The following APBB1IP variants were observed in gnomAD, a reference collection of about 807,000 sequenced individuals.
APBB1IP encodes amyloid beta A4 precursor protein-binding family B member 1-interacting protein.
APBB1IP carries 27 observed loss-of-function variants against 64.9 expected under a neutral mutation model. The ratio of observed to expected loss-of-function variants is 0.42; its 90% CI spans 0.31 to 0.57. The LOEUF (loss-of-function observed/expected upper bound fraction) is 0.57. APBB1IP is among the 20% of genes least tolerant of loss of function. The pLI is 0.20. For synonymous variants in APBB1IP, 392 were observed against 331.0 expected (o/e 1.18, Z -2.00); for missense variants, 812 against 845.5 (o/e 0.96, Z 0.49).
intron 8 of APBB1IP, among the ~76,000 whole-genome samples, chr10:26,525,921 C>G (rs1836468242): frequency 6.6e-6 from 1 of 152,146 alleles, no homozygotes; most frequent in Non-Finnish European, 1.5e-5. Context: ...TCTTCAGAGA[C>G]AGGGACATTC....
chr10:26,444,135 C>G (rs1835366649), intron 2 of APBB1IP, among the ~76,000 whole-genome samples: 1 of 152,064 alleles, frequency 6.6e-6, no homozygotes, highest in Non-Finnish European at 1.5e-5. Context: ...GAACAGTGTT[C>G]CAAGCACAGG....
At chr10:26,469,326 C>T (rs1483073026) in intron 2 of APBB1IP, among the ~76,000 whole-genome samples, 1 of 136,952 alleles carries the variant, frequency 7.3e-6, no homozygotes, top group African/African-American at 2.8e-5. Flanking sequence ...GTGGAGCGAT[C>T]TCAGCTCACT....
chr10:26,455,295 C>T (rs570798517), intron 2 of APBB1IP, among the ~76,000 whole-genome samples: 118 of 151,988 alleles, frequency 7.8e-4, no homozygotes, highest in Non-Finnish European at 1.5e-3. Context: ...TTTGGGAGGC[C>T]GAGGCGGGCG....
chr10:26,545,692 G>A (rs1289179417), intron 11 of APBB1IP, among the ~76,000 whole-genome samples: 16 of 151,850 alleles, frequency 1.1e-4, no homozygotes, highest in East Asian at 3.9e-4. Context: ...CCCGGGAGGC[G>A]GAGCTTGCAG....
chr10:26,452,257 G>A (rs1008090683), intron 2 of APBB1IP, among the ~76,000 whole-genome samples: 2 of 152,132 alleles, frequency 1.3e-5, no homozygotes, highest in Non-Finnish European at 2.9e-5. Context: ...TTGTACAGAC[G>A]AGGAAACTAA....
intron 2 of APBB1IP, among the ~76,000 whole-genome samples, chr10:26,462,869 A>G (rs1454604653): frequency 6.6e-6 from 1 of 152,122 alleles, no homozygotes; most frequent in Non-Finnish European, 1.5e-5. Context: ...TACTCCTCAA[A>G]TGTTTGATGA....
At chr10:26,513,330 T>C (rs1303098306) in intron 7 of APBB1IP, among the ~76,000 whole-genome samples, 1 of 152,194 alleles carries the variant, frequency 6.6e-6, no homozygotes, top group Non-Finnish European at 1.5e-5. Flanking sequence ...TTATGGGTTT[T>C]TTCATCTTGT....
At position 26,567,170 on chromosome 10, in the gene APBB1IP, GC is replaced by G; in HGVS notation, c.1687del (p.Leu563SerfsTer93). 7.1e-7 allele frequency: 1 copy of G among 1,414,576 alleles called. No homozygotes were observed. The highest frequency in any genetic ancestry group is 9.2e-7 in the Non-Finnish European group (1 of 1,090,754). 87.6% of individuals were successfully genotyped at this position (1,414,576 alleles called of 1,614,324 possible). Reference protein sequence around the residue: ...DFLPPPPPPPPLDDPELPPPP... With the variant: ...DFLPPPPPPPXLDDPELPPPP... ...TCCTGCCGCCGCCGCCACCGCCGCC[GC>G]CCCTCGATGACCCTGAGCTCCCGCC... On this transcript the variant is annotated frameshift_variant, in exon 15 of 15. Transcript: ENST00000376236. LOFTEE classifies it low-confidence loss of function (END_TRUNC).
At chr10:26,561,034 T>C (rs1588620720) in intron 13 of APBB1IP, among the ~76,000 whole-genome samples, 190 bp downstream of exon 13, 2 of 151,084 alleles carry the variant, frequency 1.3e-5, no homozygotes. Context: ...ATCTGTTTTC[T>C]TTTTCTTTTC....
At chr10:26,526,691 C>A (rs150562254) in intron 8 of APBB1IP, among the ~76,000 whole-genome samples, 3,261 of 152,094 alleles carry the variant, frequency 0.021, 74 homozygotes, top group African/African-American at 0.064. Context: ...TGCACTCCAG[C>A]CTGGGCAACA....
chr10:26,550,409 G>A (rs1053394766), intron 11 of APBB1IP, among the ~76,000 whole-genome samples: 4 of 151,870 alleles, frequency 2.6e-5, no homozygotes, highest in African/African-American at 9.7e-5. Flanking sequence ...TTTTGATGAT[G>A]TCCCATGGGT....
chr10:26,524,955 C>CTTTTTTTTTTTTTT (rs56982662), intron 8 of APBB1IP, among the ~76,000 whole-genome samples: 13 of 73,952 alleles, frequency 1.8e-4, no homozygotes, highest in African/African-American at 2.8e-4. Context: ...TTCTTTCTTT[C>CTTTTTTTTTTTTTT]TTTTTTTTTT....
chr10:26,561,592 T>TA (rs1245900385), intron 13 of APBB1IP, among the ~76,000 whole-genome samples: 10 of 152,178 alleles, frequency 6.6e-5, no homozygotes, highest in Non-Finnish European at 1.2e-4. Context: ...AAGGCTCCAT[T>TA]AGTGCCCAGA....
At chr10:26,461,269 A>G (rs1835588896) in intron 2 of APBB1IP, among the ~76,000 whole-genome samples, 1 of 152,196 alleles carries the variant, frequency 6.6e-6, no homozygotes, top group Admixed American at 6.5e-5. Flanking sequence ...GCATAGATTC[A>G]TAATTCAACA....
chr10:26,472,569 T>TTCATTCA (rs1554774046), intron 2 of APBB1IP, among the ~76,000 whole-genome samples: 1 of 149,536 alleles, frequency 6.7e-6, no homozygotes, highest in Non-Finnish European at 1.5e-5. Context: ...ATCGTGTTTG[T>TTCATTCA]TTCATTCATT....
intron 2 of APBB1IP, among the ~76,000 whole-genome samples, chr10:26,468,987 T>A (rs1835681628): frequency 6.6e-6 from 1 of 152,194 alleles, no homozygotes; most frequent in African/African-American, 2.4e-5. Context: ...TCTGTGCAAC[T>A]GCTGCGGGCT....
intron 2 of APBB1IP, among the ~76,000 whole-genome samples, chr10:26,443,065 T>C (rs1251927682): frequency 6.6e-6 from 1 of 151,724 alleles, no homozygotes; most frequent in African/African-American, 2.4e-5. Flanking sequence ...GAAATTGTGC[T>C]ATCTTAGACA....
In APBB1IP at chr10:26,500,831, C is replaced by A; in HGVS notation, c.173C>A (p.Ala58Glu). The A allele has an allele frequency of 6.2e-7, 1 of 1,613,362 alleles. No homozygotes were observed. The highest frequency in any genetic ancestry group is 8.5e-7 in the Non-Finnish European group (1 of 1,179,424). Residue 58 changes from alanine to glutamate, a missense_variant, in exon 5 of 15, where the codon GCA becomes GAA. By Grantham distance (107) the Ala-to-Glu change is moderately radical. This residue lies in a region of APBB1IP where 394 missense variants were observed against 413.1 expected (regional missense o/e 0.95). Transcript: ENST00000376236. ...GFKDLNESLN[A>E]LEDQDLDALM... is the part of the protein sequence containing the mutation. ...TTTTCCCTACTAGAGTCCTTAAATG[C>A]ACTGGAAGACCAAGATTTAGATGCT...
chr10:26,557,849 G>A (rs988221299), intron 11 of APBB1IP, among the ~76,000 whole-genome samples: 17 of 152,148 alleles, frequency 1.1e-4, no homozygotes, highest in African/African-American at 3.9e-4. Context: ...TTAAAGACAC[G>A]AGACCCTTTG....
Sources: allele counts gnomAD v4.1 joint callset (sites outside exome capture counted in the v4.1 genomes callset), GRCh38; gene constraint gnomAD v4.1.1; regional missense constraint gnomAD v4.1.1; transcripts MANE v1.5; gene names NCBI Gene and HGNC (gene_info 2026-07-23, HGNC 2026-07-21).